DCUN1D2: variants seen among roughly 807,000 people sequenced by gnomAD.
The protein encoded by DCUN1D2 is defective in cullin neddylation 1 domain containing 2, also known as DCN1-like protein 2.
Under a neutral mutation model 30.9 loss-of-function variants are expected in DCUN1D2, and 29 were observed. The observed-to-expected ratio is 0.94, with a 90% CI of 0.70 to 1.28. The LOEUF is 1.28. Among genes scored for constraint, DCUN1D2 ranks in the 50% most tolerant of loss-of-function variants. The pLI, the probability that DCUN1D2 is intolerant of heterozygous loss-of-function variation, is 0.00. For synonymous variants in DCUN1D2, 121 were observed against 115.3 expected (o/e 1.05, Z -0.32); for missense variants, 325 against 316.9 (o/e 1.03, Z -0.19).
chr13:113,462,830 G>T (rs937796602), intron 4 of DCUN1D2: 29 of 1,220,390 alleles, frequency 2.4e-5, no homozygotes, highest in South Asian at 2.1e-4. Flanking sequence ...AACATTAATT[G>T]AAATCTATAT....
chr13:113,462,867 T>C (rs2139680302), intron 4 of DCUN1D2: 1 of 1,264,980 alleles, frequency 7.9e-7, no homozygotes. Flanking sequence ...ATGTAAAGCT[T>C]TCACATTGAG....
At chr13:113,461,003 A>T (rs1259818355) in intron 5 of DCUN1D2, 51 bp downstream of exon 5, 3 of 1,234,310 alleles carry the variant, frequency 2.4e-6, no homozygotes, top group Non-Finnish European at 3.5e-6. Context: ...CCTCATACCT[A>T]CCGACTTCCC....
intron 3 of DCUN1D2, 146 bp from the exon 4 acceptor site, chr13:113,474,400 G>T: frequency 1.8e-6 from 2 of 1,082,400 alleles, no homozygotes; most frequent in Non-Finnish European, 2.6e-6. Context: ...GCGGCCTAAG[G>T]CTCTAAGTGA....
Position 113,490,007 on chromosome 13 carries a change from G to T in DCUN1D2, c.3+660C>A, listed in dbSNP as rs1004970085. Among the ~76,000 whole-genome samples, 3 of 152,148 alleles carry T rather than the reference G, an allele frequency of 2.0e-5. No homozygotes were observed. The highest frequency in any genetic ancestry group is 4.4e-5 in the Non-Finnish European group (3 of 68,024). ...ACCCAGCAGCACCTTGCTGGCCTCT[G>T]AACCGATGTGGACTGAATAAATCCC... On this transcript the variant is annotated intron_variant, in intron 1 of 6. Transcript: ENST00000478244. This position sits in a 1 kb window ranked among gnomAD's most constrained non-coding sequence, Gnocchi z 5.2.
rs1383134728 is a variant in DCUN1D2, at chr13:113,490,701, C to T, written c.-32G>A. 3.3e-6 allele frequency: 4 copies of T among 1,214,754 alleles called. No individual in the cohort carries two copies. The highest frequency in any genetic ancestry group is 3.1e-6 in the Non-Finnish European group (3 of 976,100). The allele number at this position is 1,214,754 out of a possible 1,614,324, so 75.2% of individuals were successfully genotyped here. ...CGCGCCGCCCGCTTCTGGCCGGCCC[C>T]GGCCTTCTGCGCAGGCGCGGCGGCG... On this transcript the variant is annotated 5_prime_UTR_variant, in exon 1 of 7. Transcript: ENST00000478244. This position sits in a 1 kb window ranked among gnomAD's most constrained non-coding sequence, Gnocchi z 5.2.
In DCUN1D2 at chr13:113,480,761, G is replaced by C. The variant is rs1397742357; in HGVS notation, c.221-18C>G. ...TTGTGGATCTGTAGTTAATATCAGG[G>C]GAAAAGGAAGTTATACTATTTTGAA... On this transcript the variant is annotated intron_variant, in intron 2 of 6. Coordinates refer to ENST00000478244, the MANE Select transcript of DCUN1D2 (RefSeq NM_001014283.2). 1 of 1,611,386 alleles carries C rather than the reference G, an allele frequency of 6.2e-7. No individual in the cohort carries two copies. Among genetic ancestry groups the C allele is most frequent in the Admixed American group, 1.7e-5 (1 of 59,218 alleles).
rs148414259 is a variant in DCUN1D2, at chr13:113,458,418, G to A, written c.701-310C>T. The stretch of plus-strand genomic sequence containing the variant: ...CAGGAAGGGAGCTAAATGGACCCCC[G>A]CGGAGCAGGAGGCATGTTCCTCAGG... On this transcript the variant is annotated intron_variant, in intron 6 of 6. Coordinates refer to ENST00000478244, the MANE Select transcript of DCUN1D2 (RefSeq NM_001014283.2). Among the ~76,000 whole-genome samples, 6 of 152,262 alleles carry A rather than the reference G, an allele frequency of 3.9e-5. No individual in the cohort carries two copies. In the East Asian group the frequency reaches 9.7e-4, roughly 25 times the overall value.
chr13:113,471,647 G>A (rs756750162), intron 4 of DCUN1D2, among the ~76,000 whole-genome samples: 3 of 152,114 alleles, frequency 2.0e-5, no homozygotes, highest in Non-Finnish European at 4.4e-5. Flanking sequence ...CCTTTGTTTG[G>A]GTATTTAGGC....
Position 113,490,525 on chromosome 13 carries a change from C to G in DCUN1D2, c.3+142G>C. Reference sequence around the variant, plus strand: ...CGCTCCGGCTCGCGGGCCCGCGGCGCGTTCCTCCCTCGGATCCACGCGGAA... The same window carrying G: ...CGCTCCGGCTCGCGGGCCCGCGGCGGGTTCCTCCCTCGGATCCACGCGGAA... On this transcript the variant is annotated intron_variant, in intron 1 of 6. Coordinates refer to ENST00000478244, the MANE Select transcript of DCUN1D2 (RefSeq NM_001014283.2). This position sits in a 1 kb window ranked among gnomAD's most constrained non-coding sequence, Gnocchi z 5.2. 1.1e-6 allele frequency: 1 copy of G among 899,428 alleles called. No homozygotes were observed. Among genetic ancestry groups the G allele is most frequent in the East Asian group, 4.2e-5 (1 of 23,652 alleles). 55.7% of individuals were successfully genotyped at this position (899,428 alleles called of 1,614,324 possible). A position where few individuals can be genotyped will look rare whatever the true frequency, so the allele number is the denominator to read the frequency against.
At chr13:113,459,784 T>C (rs192727170) in intron 5 of DCUN1D2, among the ~76,000 whole-genome samples, 2 of 151,276 alleles carry the variant, frequency 1.3e-5, no homozygotes, top group East Asian at 1.9e-4. Context: ...AAATTACACA[T>C]AGTTTTCTGC....
intron 2 of DCUN1D2, among the ~76,000 whole-genome samples, chr13:113,481,386 C>T (rs987320019): frequency 6.6e-6 from 1 of 152,180 alleles, no homozygotes; most frequent in African/African-American, 2.4e-5. Context: ...CCCAGCAAGA[C>T]TTCACTAAAG....
At position 113,466,595 on chromosome 13, in the gene DCUN1D2, C is replaced by T. The variant is rs78176691; in HGVS notation, c.521-5459G>A. On this transcript the variant is annotated intron_variant, in intron 4 of 6. Transcript: ENST00000478244. Reference sequence around the variant, plus strand: ...GTGTGGAAACTAACTTAAATTTCAGCGTAGGTTTTCAGGGGGCAGGGTGAA... The same window carrying T: ...GTGTGGAAACTAACTTAAATTTCAGTGTAGGTTTTCAGGGGGCAGGGTGAA... 3.6e-3 allele frequency among the ~76,000 whole-genome samples: 551 copies of T among 152,176 alleles called. 21 individuals carry two copies. In the East Asian group the frequency reaches 0.083, roughly 23 times the overall value.
At chr13:113,483,007 T>G (rs2139738561) in intron 2 of DCUN1D2, among the ~76,000 whole-genome samples, 1 of 152,284 alleles carries the variant, frequency 6.6e-6, no homozygotes, top group African/African-American at 2.4e-5. Context: ...AGGAAATTAT[T>G]GTATATTTGG....
chr13:113,463,815 C>T (rs1209828788), intron 4 of DCUN1D2, among the ~76,000 whole-genome samples: 1 of 151,968 alleles, frequency 6.6e-6, no homozygotes. Flanking sequence ...TAAACAGACA[C>T]AAACACACAC....
chr13:113,485,069 C>T (rs562902085), intron 1 of DCUN1D2, among the ~76,000 whole-genome samples: 1 of 142,838 alleles, frequency 7.0e-6, no homozygotes, highest in Admixed American at 7.0e-5. Context: ...CAGGGCGAGA[C>T]TCTATCTCAA....
At position 113,459,391 on chromosome 13, in the gene DCUN1D2, T is replaced by C. The variant is rs918033557; in HGVS notation, c.621A>G (p.Ser207=). Residue 207 remains serine (S), a synonymous_variant, in exon 6 of 7, where the codon TCA becomes TCG. Coordinates refer to ENST00000478244, the MANE Select transcript of DCUN1D2 (RefSeq NM_001014283.2). ...GGAGGTTCCAGGTGTCCCTTGGAAT[T>C]GATCTTTTGTGATGTTCCTAATATA... ...NTFLMEHHKR[S]IPRDTWNLLL... 3.2e-6 allele frequency: 5 copies of C among 1,566,828 alleles called. No homozygotes were observed. Among genetic ancestry groups the C allele is most frequent in the East Asian group, 2.2e-5 (1 of 44,570 alleles).
intron 4 of DCUN1D2, among the ~76,000 whole-genome samples, chr13:113,469,854 CTTTT>C (rs918085932): frequency 1.3e-5 from 2 of 148,292 alleles, no homozygotes; most frequent in South Asian, 4.3e-4. Flanking sequence ...AAATCAAAAA[CTTTT>C]TTTTTTTAAG....
At chr13:113,480,367 T>A (rs2044687210) in intron 3 of DCUN1D2, 14 of 433,754 alleles carry the variant, frequency 3.2e-5, no homozygotes, top group South Asian at 1.1e-4. Context: ...ATGAAAAAAA[T>A]AAAAATGTGA....
chr13:113,478,108 T>C (rs1459550014), intron 3 of DCUN1D2, among the ~76,000 whole-genome samples: 1 of 152,244 alleles, frequency 6.6e-6, no homozygotes, highest in East Asian at 1.9e-4. Flanking sequence ...TGGAAGAGGA[T>C]GTTTAAAATT....
Sources: gnomAD v4.1 joint callset for allele counts (sites outside exome capture counted in the v4.1 genomes callset) on GRCh38, gnomAD v4.1.1 for gene constraint, Gnocchi (gnomAD v3.1) non-coding constraint, MANE v1.5 for transcripts, NCBI Gene and HGNC (gene_info 2026-07-23, HGNC 2026-07-21) for gene names.